The following LPIN2 variants were observed in gnomAD, a reference collection of about 807,000 sequenced individuals.
LPIN2 encodes the protein phosphatidate phosphatase LPIN2.
LPIN2 carries 55 observed loss-of-function variants against 111.4 expected under a neutral mutation model. The observed-to-expected ratio is 0.49, with a 90% CI of 0.40 to 0.62. The LOEUF (loss-of-function observed/expected upper bound fraction) is 0.62, where lower values mean the gene tolerates loss of function less well. Ranked by LOEUF, LPIN2 falls within the 20% of genes least tolerant of loss-of-function variation. The pLI is 0.00. For missense variants in LPIN2, 992 were observed against 1,112.1 expected (o/e 0.89, Z 1.54); for synonymous variants, 425 against 414.0 (o/e 1.03, Z -0.32).
rs118142692 is a variant in LPIN2, at chr18:2,919,656, C to T, written c.*637G>A. ...AGTTGTCACAGATGAGAGGAGGATG[C>T]TCTGTGGGGATCTTTCCCCAAAGAG... On this transcript the variant is annotated 3_prime_UTR_variant, in exon 20 of 20. Transcript: ENST00000677752. The T allele has an allele frequency of 9.2e-4, 146 of 158,480 alleles. 2 individuals carry two copies. The East Asian group carries it at 0.025, about 27-fold the overall frequency. The allele number at this position is 158,480 out of a possible 1,614,324, so 9.8% of individuals were successfully genotyped here. A position where few individuals can be genotyped will look rare whatever the true frequency, so the allele number is the denominator to read the frequency against.
At chr18:2,923,461 C>T (rs1420692728) in intron 16 of LPIN2, among the ~76,000 whole-genome samples, 1 of 146,808 alleles carries the variant, frequency 6.8e-6, no homozygotes, top group African/African-American at 2.5e-5. Context: ...TTAAAATACC[C>T]AGAAAATAAA....
chr18:3,012,900 T>TGGGACGCGAGGACC, intron 1 of LPIN2, among the ~76,000 whole-genome samples, 187 bp downstream of exon 1: 2 of 151,430 alleles, frequency 1.3e-5, no homozygotes, highest in Non-Finnish European at 3.0e-5. Context: ...AGGCGGGGAC[T>TGGGACGCGAGGACC]GGGACGCGAG....
At chr18:2,947,017 A>G in intron 4 of LPIN2, 1 of 180,148 alleles carries the variant, frequency 5.6e-6, no homozygotes. Flanking sequence ...CCCCAGAAGA[A>G]CATGGAGGGT....
chr18:2,984,886 A>C (rs185189087), intron 1 of LPIN2, among the ~76,000 whole-genome samples: 12 of 152,178 alleles, frequency 7.9e-5, no homozygotes, highest in Admixed American at 7.8e-4. Flanking sequence ...CAGCAGGAGG[A>C]GGCTGACAAG....
chr18:2,995,368 C>T (rs2078325457), intron 1 of LPIN2, among the ~76,000 whole-genome samples: 1 of 152,178 alleles, frequency 6.6e-6, no homozygotes, highest in South Asian at 2.1e-4. Flanking sequence ...TTTCCCTATG[C>T]CTTAAGACTC....
intron 1 of LPIN2, among the ~76,000 whole-genome samples, chr18:2,973,542 C>A (rs2077957830): frequency 6.6e-6 from 1 of 152,178 alleles, no homozygotes; most frequent in Non-Finnish European, 1.5e-5. Flanking sequence ...TTAAGTAGTA[C>A]CCCACTGCAT....
intron 1 of LPIN2, chr18:2,990,883 T>C: frequency 3.8e-6 from 2 of 526,258 alleles, no homozygotes; most frequent in South Asian, 1.5e-5. Context: ...TCCAGTCTTC[T>C]GGGTCCTCCT....
intron 19 of LPIN2, 59 bp downstream of exon 19, chr18:2,920,719 T>C: frequency 2.4e-6 from 3 of 1,274,090 alleles, no homozygotes; most frequent in South Asian, 2.4e-5. Context: ...AGGGTCTGTC[T>C]GTCCCCAACT....
intron 1 of LPIN2, among the ~76,000 whole-genome samples, chr18:2,962,652 T>A (rs1157215298): frequency 2.6e-5 from 4 of 152,196 alleles, no homozygotes; most frequent in African/African-American, 7.2e-5. Flanking sequence ...TTCTAAAAAA[T>A]AACACAGCTA....
At position 2,960,720 on chromosome 18, in the gene LPIN2, C is replaced by A. The variant is rs1179090563; in HGVS notation, c.121G>T (p.Gly41Cys). The change falls in exon 2 of 20, where the codon GGC becomes TGC. Residue 41 changes from glycine (G) to cysteine (C), a missense_variant. Around this residue, in one of 4 missense-constraint regions of LPIN2, gnomAD observed 67 missense variants for 112.1 expected, o/e 0.60. Coordinates refer to ENST00000677752, the MANE Select transcript of LPIN2 (RefSeq NM_001375808.2). ...TGAAAAGGTGAACACTGATAGCTGC[C>A]ATCCTGCTGCTGTACCACGATGACA... ...IDVIVVQQQD[G>C]SYQCSPFHVR... The A allele has an allele frequency of 1.2e-6, 2 of 1,613,966 alleles. No homozygotes were observed. The highest frequency in any genetic ancestry group is 1.7e-6 in the Non-Finnish European group (2 of 1,180,020).
chr18:2,985,854 CT>C (rs1008381219), intron 1 of LPIN2, among the ~76,000 whole-genome samples: 2 of 152,206 alleles, frequency 1.3e-5, no homozygotes, highest in African/African-American at 4.8e-5. Context: ...CACCTTGCTC[CT>C]GGATTACCAA....
intron 1 of LPIN2, among the ~76,000 whole-genome samples, chr18:3,011,004 TGC>T (rs1242658993): frequency 6.6e-6 from 1 of 152,200 alleles, no homozygotes; most frequent in African/African-American, 2.4e-5. Context: ...AACTGCCTGC[TGC>T]GTCTACCTTC....
chr18:2,955,809 G>A (rs1041057161), intron 2 of LPIN2, among the ~76,000 whole-genome samples: 7 of 152,124 alleles, frequency 4.6e-5, no homozygotes, highest in African/African-American at 1.4e-4. Context: ...CAGCTACTCG[G>A]GAGGCTGAGG....
intron 1 of LPIN2, among the ~76,000 whole-genome samples, chr18:2,994,098 G>A (rs1158954306): frequency 2.6e-5 from 4 of 152,202 alleles, no homozygotes; most frequent in African/African-American, 4.8e-5. Flanking sequence ...AAATGAAGCA[G>A]TACAGACTGT....
chr18:2,945,592 G>A (rs2077438511), intron 4 of LPIN2: 2 of 1,523,098 alleles, frequency 1.3e-6, no homozygotes, highest in African/African-American at 1.4e-5. Context: ...TTTAGCTGCA[G>A]GCAGTTCAAG....
intron 1 of LPIN2, among the ~76,000 whole-genome samples, chr18:2,993,372 C>T (rs138111529): frequency 2.0e-5 from 3 of 152,320 alleles, no homozygotes; most frequent in Non-Finnish European, 4.4e-5. Flanking sequence ...TATTCCTATA[C>T]TGTTACAAAC....
chr18:3,008,474 G>A (rs191110459), intron 1 of LPIN2, among the ~76,000 whole-genome samples: 1 of 152,274 alleles, frequency 6.6e-6, no homozygotes, highest in East Asian at 1.9e-4. Flanking sequence ...AATATTCTAA[G>A]GTCATTTATC....
At position 2,926,727 on chromosome 18, in the gene LPIN2, C is replaced by T. The variant is rs1173260427; in HGVS notation, c.1789G>A (p.Ala597Thr). 6.2e-7 allele frequency: 1 copy of T among 1,612,396 alleles called. No homozygotes were observed. The highest frequency in any genetic ancestry group is 1.7e-5 in the Admixed American group (1 of 60,014). Residue 597 changes from alanine (A) to threonine (T), a missense_variant, in exon 13 of 20, where the codon GCC becomes ACC. Physicochemically the swap from Ala to Thr is moderately conservative, Grantham distance 58 (BLOSUM62 0). Coordinates refer to ENST00000677752, the MANE Select transcript of LPIN2 (RefSeq NM_001375808.2). ...GGCAGAGGACAGGGCACCCACCTGG[C>T]ACCGGCCGGCTCCTTGGAGCTGGAT... is the stretch of plus-strand genomic sequence containing the variant. ...LPSSSKEPAG[A>T]RPAENDSSSD...
intron 4 of LPIN2, among the ~76,000 whole-genome samples, chr18:2,941,030 A>C (rs1208565100): frequency 3.9e-5 from 6 of 152,206 alleles, no homozygotes; most frequent in Non-Finnish European, 8.8e-5. Flanking sequence ...AATCCTTACA[A>C]AATGAGGTAA....
Sources: gnomAD v4.1 joint callset for allele counts (sites outside exome capture counted in the v4.1 genomes callset) on GRCh38, gnomAD v4.1.1 for gene constraint, gnomAD v4.1.1 regional missense constraint, MANE v1.5 for transcripts, NCBI Gene and HGNC (gene_info 2026-07-23, HGNC 2026-07-21) for gene names.